Variants in CHST9 observed in about 807,000 individuals in gnomAD.
CHST9 encodes the protein carbohydrate sulfotransferase 9.
A neutral mutation model predicts 44.4 loss-of-function variants in CHST9; 41 were observed. That is an observed-to-expected ratio of 0.92 (90% CI 0.72 to 1.20). The LOEUF is 1.20. Ranked by LOEUF, CHST9 falls within the 50% of genes most tolerant of loss-of-function variation. The pLI, the probability that CHST9 is intolerant of heterozygous loss-of-function variation, is 0.00. For missense variants in CHST9, 504 were observed against 516.5 expected, an observed-to-expected ratio of 0.98 and a Z score of 0.23; for synonymous variants, 171 against 178.4, an observed-to-expected ratio of 0.96 and a Z score of 0.33.
At chr18:27,063,497 A>G (rs373957453) in intron 2 of CHST9, among the ~76,000 whole-genome samples, 38 of 152,236 alleles carry the variant, frequency 2.5e-4, no homozygotes, top group African/African-American at 8.2e-4. Flanking sequence ...ATTCTTTTTA[A>G]AAATCCTATA....
At chr18:27,106,822 T>C (rs913610995) in intron 2 of CHST9, among the ~76,000 whole-genome samples, 8 of 152,228 alleles carry the variant, frequency 5.3e-5, no homozygotes, top group Non-Finnish European at 7.3e-5. Context: ...TTAATCTACC[T>C]GCTTACTACC....
intron 5 of CHST9, chr18:26,930,533 A>G (rs2055858342): frequency 6.5e-6 from 1 of 152,986 alleles, no homozygotes; most frequent in Non-Finnish European, 1.5e-5. Context: ...ATTAACTCTA[A>G]GTTTTGCAGC....
chr18:27,059,525 G>A (rs994801129), intron 2 of CHST9, among the ~76,000 whole-genome samples: 1 of 152,182 alleles, frequency 6.6e-6, no homozygotes, highest in Admixed American at 6.6e-5. Flanking sequence ...ATTAGGAAAG[G>A]TAATGATATG....
intron 2 of CHST9, among the ~76,000 whole-genome samples, chr18:27,075,031 G>C (rs1188394987): frequency 1.3e-5 from 2 of 150,556 alleles, no homozygotes; most frequent in Non-Finnish European, 3.0e-5. Flanking sequence ...ATGTGTAAAA[G>C]CTAGGAAATA....
At chr18:26,963,910 T>C (rs188784977) in intron 4 of CHST9, among the ~76,000 whole-genome samples, 9 of 152,348 alleles carry the variant, frequency 5.9e-5, no homozygotes, top group African/African-American at 2.2e-4. Context: ...GCTCAATAAA[T>C]ATAGTCACTA....
chr18:27,085,167 C>CTAG (rs2058000042), intron 2 of CHST9, among the ~76,000 whole-genome samples: 1 of 151,846 alleles, frequency 6.6e-6, no homozygotes, highest in African/African-American at 2.4e-5. Flanking sequence ...CTATCATATC[C>CTAG]AAGAAGAAAA....
intron 2 of CHST9, among the ~76,000 whole-genome samples, chr18:27,142,092 T>A (rs920244444): frequency 6.6e-6 from 1 of 152,110 alleles, no homozygotes; most frequent in African/African-American, 2.4e-5. Context: ...GTAAATAAAG[T>A]TTTATTGGAA....
chr18:27,035,653 G>A (rs186196022), intron 3 of CHST9, among the ~76,000 whole-genome samples: 34 of 152,082 alleles, frequency 2.2e-4, no homozygotes, highest in Middle Eastern at 3.2e-3. Flanking sequence ...TTGTGATGAC[G>A]TGGATGGACT....
chr18:27,121,841 C>T (rs1031896903), intron 2 of CHST9, among the ~76,000 whole-genome samples: 1 of 152,194 alleles, frequency 6.6e-6, no homozygotes, highest in Non-Finnish European at 1.5e-5. Flanking sequence ...CAAATGAATA[C>T]ATCTAGGTTT....
intron 4 of CHST9, among the ~76,000 whole-genome samples, chr18:27,011,255 G>A (rs2057080656): frequency 6.6e-6 from 1 of 152,202 alleles, no homozygotes; most frequent in African/African-American, 2.4e-5. Flanking sequence ...AAACACCACT[G>A]AAGTGGCTTT....
chr18:26,992,691 G>T (rs1398952220), intron 4 of CHST9, among the ~76,000 whole-genome samples: 2 of 151,846 alleles, frequency 1.3e-5, no homozygotes, highest in Non-Finnish European at 2.9e-5. Context: ...TTGACTAAAT[G>T]GCCTGTTTAA....
chr18:27,179,233 G>T (rs1161429603), intron 1 of CHST9, among the ~76,000 whole-genome samples: 1 of 151,838 alleles, frequency 6.6e-6, no homozygotes, highest in Non-Finnish European at 1.5e-5. Flanking sequence ...ACCCAAAAAA[G>T]ATAGATTCCT....
chr18:27,079,545 A>G (rs930398450), intron 2 of CHST9, among the ~76,000 whole-genome samples: 1 of 152,222 alleles, frequency 6.6e-6, no homozygotes, highest in African/African-American at 2.4e-5. Context: ...AAAAATTTAT[A>G]TCTGCCATCC....
chr18:27,146,106 C>T (rs1388296677), intron 1 of CHST9, among the ~76,000 whole-genome samples: 2 of 152,072 alleles, frequency 1.3e-5, no homozygotes, highest in Non-Finnish European at 1.5e-5. Flanking sequence ...CCTGTGGGAA[C>T]GGTGGGAGTA....
At chr18:27,125,455 G>A (rs573787934) in intron 2 of CHST9, among the ~76,000 whole-genome samples, 2 of 152,174 alleles carry the variant, frequency 1.3e-5, no homozygotes, top group East Asian at 3.9e-4. Context: ...CCAGTACTGG[G>A]CTCAGAACAC....
intron 2 of CHST9, among the ~76,000 whole-genome samples, chr18:27,100,215 T>C (rs1458361127): frequency 2.0e-5 from 3 of 152,052 alleles, no homozygotes; most frequent in African/African-American, 7.2e-5. Flanking sequence ...AATGACTACT[T>C]ATGGACATAA....
intron 2 of CHST9, among the ~76,000 whole-genome samples, chr18:27,122,363 A>G (rs895605167): frequency 2.6e-5 from 4 of 152,190 alleles, no homozygotes; most frequent in African/African-American, 9.6e-5. Flanking sequence ...GCTTTATAAT[A>G]TTGCATTCTA....
At chr18:27,175,728 T>C (rs558077087) in intron 1 of CHST9, among the ~76,000 whole-genome samples, 1 of 152,130 alleles carries the variant, frequency 6.6e-6, no homozygotes, top group African/African-American at 2.4e-5. Context: ...CACTCAACAT[T>C]TATTCAACAA....
chr18:27,054,506 T>C (rs2057628817), intron 2 of CHST9, among the ~76,000 whole-genome samples: 1 of 152,200 alleles, frequency 6.6e-6, no homozygotes, highest in African/African-American at 2.4e-5. Flanking sequence ...AATTGAACAC[T>C]AAAGTTCCGC....
Sources: allele counts gnomAD v4.1 joint callset (sites outside exome capture counted in the v4.1 genomes callset), GRCh38; gene constraint gnomAD v4.1.1; transcripts MANE v1.5; gene names NCBI Gene and HGNC (gene_info 2026-07-23, HGNC 2026-07-21).